The following CYFIP1 variants were observed in gnomAD, a reference collection of about 807,000 sequenced individuals.
CYFIP1 encodes the protein cytoplasmic FMR1-interacting protein 1.
A neutral mutation model predicts 163.5 loss-of-function variants in CYFIP1; 58 were observed. The observed-to-expected ratio is 0.35, with a 90% confidence interval of 0.29 to 0.44. The LOEUF is 0.44. Ranked by LOEUF, CYFIP1 falls within the 20% of genes least tolerant of loss-of-function variation. The pLI is 1.00. For synonymous variants in CYFIP1, 663 were observed against 660.7 expected, an observed-to-expected ratio of 1.00 and a Z score of -0.05; for missense variants, 1,338 against 1,653.8, an observed-to-expected ratio of 0.81 and a Z score of 3.31.
At chr15:22,892,392 C>T (rs905304416) in intron 23 of CYFIP1, among the ~76,000 whole-genome samples, 2 of 152,158 alleles carry the variant, frequency 1.3e-5, no homozygotes, top group Non-Finnish European at 2.9e-5. Context: ...CCGGGTGCTC[C>T]GGGTTTCCAC....
chr15:22,946,849 A>C (rs2062079413), intron 3 of CYFIP1, 154 bp downstream of exon 3: 1 of 753,848 alleles, frequency 1.3e-6, no homozygotes, highest in Non-Finnish European at 2.3e-6. Flanking sequence ...CACTAAGAAA[A>C]GCAAAGACTG....
rs114985452 is a variant in CYFIP1, at chr15:22,883,264, A to G, written c.2677-253T>C. Among the ~76,000 whole-genome samples the G allele has an allele frequency of 3.6e-3, 541 of 152,328 alleles. 4 individuals are homozygous for G. Among genetic ancestry groups the G allele is most frequent in the African/African-American group, 0.012 (511 of 41,570 alleles). On this transcript the variant is annotated intron_variant, in intron 23 of 30. Transcript: ENST00000617928. ...ACATTTGTTGAATAGCCGACTCGCTAGAAGCCATTTTGAAGTCTAGAATGA... is the reference window on the plus strand; with the variant it reads ...ACATTTGTTGAATAGCCGACTCGCTGGAAGCCATTTTGAAGTCTAGAATGA...
chr15:22,913,048 T>C (rs1263009611), intron 17 of CYFIP1, among the ~76,000 whole-genome samples: 3 of 150,750 alleles, frequency 2.0e-5, no homozygotes, highest in Admixed American at 2.0e-4. Flanking sequence ...ACAAAACAAT[T>C]AGCCAGGTGT....
intron 1 of CYFIP1, among the ~76,000 whole-genome samples, chr15:22,956,401 A>G (rs777421311): frequency 9.2e-5 from 14 of 152,168 alleles, no homozygotes; most frequent in Non-Finnish European, 1.8e-4. Context: ...ACAAATGGAA[A>G]TTAAAGCAGC....
chr15:22,898,951 G>A (rs1246243601), intron 22 of CYFIP1, among the ~76,000 whole-genome samples: 3 of 151,872 alleles, frequency 2.0e-5, no homozygotes, highest in Non-Finnish European at 2.9e-5. Flanking sequence ...GCAGTGAGCC[G>A]AGACTGTGCC....
At chr15:22,913,409 TC>T (rs1458358836) in intron 17 of CYFIP1, among the ~76,000 whole-genome samples, 1 of 148,260 alleles carries the variant, frequency 6.7e-6, no homozygotes. Flanking sequence ...GTGCCTGTAG[TC>T]CCAGCTACTT....
rs983929428 is a variant in CYFIP1 at position 22,926,031 on chromosome 15, C to T, written c.1310G>A (p.Arg437His). The stretch of plus-strand genomic sequence containing the variant: ...GCTGGTGTAGTTGTAGCGCGTGGCA[C>T]GCTCGTACTCTTCAGCGCTGTCGGG... ...DCPDSAEEYE[R>H]ATRYNYTSEE... The change falls in exon 13 of 31, where the codon CGT becomes CAT. Residue 437 changes from arginine (R) to histidine (H), a missense_variant. Arg to His is a conservative substitution (Grantham distance 29, BLOSUM62 0). Coordinates refer to ENST00000617928, the MANE Select transcript of CYFIP1 (RefSeq NM_014608.6). The T allele has an allele frequency of 8.1e-6, 13 of 1,613,986 alleles. No individual in the cohort carries two copies. Among genetic ancestry groups the T allele is most frequent in the Admixed American group, 6.7e-5 (4 of 60,002 alleles).
intron 26 of CYFIP1, among the ~76,000 whole-genome samples, chr15:22,877,929 C>T (rs2059631731): frequency 6.6e-6 from 1 of 152,260 alleles, no homozygotes; most frequent in African/African-American, 2.4e-5. Flanking sequence ...TTCTCTTTCA[C>T]CGCACAGGCT....
At chr15:22,898,647 C>T (rs953991140) in intron 22 of CYFIP1, among the ~76,000 whole-genome samples, 1 of 152,040 alleles carries the variant, frequency 6.6e-6, no homozygotes, top group African/African-American at 2.4e-5. Flanking sequence ...GTGATCCTCC[C>T]ATGTCAGCCT....
intron 5 of CYFIP1, 31 bp from the exon 6 acceptor site, chr15:22,943,385 T>G (rs767328793): frequency 6.2e-7 from 1 of 1,605,974 alleles, no homozygotes; most frequent in Non-Finnish European, 8.5e-7. Flanking sequence ...GGCAGAAAGC[T>G]GCAGGTCAGT....
intron 25 of CYFIP1, 142 bp from the exon 26 acceptor site, chr15:22,880,185 G>A (rs2059713881): frequency 1.7e-6 from 2 of 1,149,012 alleles, no homozygotes; most frequent in Non-Finnish European, 2.5e-6. Flanking sequence ...CCCATCCCCA[G>A]CATCTTCCCT....
At chr15:22,909,885 G>C (rs2060725535) in intron 20 of CYFIP1, among the ~76,000 whole-genome samples, 1 of 152,130 alleles carries the variant, frequency 6.6e-6, no homozygotes, top group Non-Finnish European at 1.5e-5. Context: ...CCAGGAGAAA[G>C]TTTTCTCTGA....
intron 11 of CYFIP1, among the ~76,000 whole-genome samples, chr15:22,930,086 C>T (rs1393308608): frequency 6.6e-6 from 1 of 151,366 alleles, no homozygotes; most frequent in African/African-American, 2.4e-5. Context: ...AGGCCGGGTG[C>T]GGTGGCTCAT....
chr15:22,894,278 CTTTTTTT>C lies in CYFIP1; in HGVS notation c.2589-1308_2589-1302del, dbSNP rs57603773. On this transcript the variant is annotated intron_variant, in intron 22 of 30. Transcript: ENST00000617928. ...GCCACTTATATTACAGCAGACTTTT[CTTTTTTT>C]TTTTTTTTTTTTTTTTTTTCTGAGA... is the stretch of plus-strand genomic sequence containing the variant. Among the ~76,000 whole-genome samples the C allele has an allele frequency of 7.5e-3, 490 of 65,502 alleles. 2 individuals carry two copies. The highest frequency in any genetic ancestry group is 0.01 in the Non-Finnish European group (375 of 35,830). 43.0% of individuals were successfully genotyped at this position (65,502 alleles called of 152,430 possible).
intron 6 of CYFIP1, among the ~76,000 whole-genome samples, chr15:22,940,255 C>T (rs1191144304): frequency 6.6e-6 from 1 of 152,192 alleles, no homozygotes; most frequent in East Asian, 1.9e-4. Context: ...TGATAACCTA[C>T]ACCAACATTC....
chr15:22,909,882 A>G (rs183071948), intron 20 of CYFIP1, among the ~76,000 whole-genome samples: 11 of 152,230 alleles, frequency 7.2e-5, no homozygotes, highest in African/African-American at 2.6e-4. Context: ...TGGCCAGGAG[A>G]AAGTTTTCTC....
In CYFIP1 at chr15:22,886,010, C is replaced by T. The variant is rs367652963; in HGVS notation, c.2677-2999G>A. ...GAGGTTTAACTGACTCATAGTTCCA[C>T]ATGGCTGGGGAGGCCTCAGAAAACT... On this transcript the variant is annotated intron_variant, in intron 23 of 30. Transcript: ENST00000617928. Among the ~76,000 whole-genome samples, 363 of 152,318 alleles carry T rather than the reference C, an allele frequency of 2.4e-3. 11 individuals carry two copies. The South Asian group carries it at 0.069, about 29-fold the overall frequency.
Position 22,869,640 on chromosome 15 carries a change from T to G in CYFIP1, c.*388A>C. The G allele has an allele frequency of 2.5e-5, 4 of 157,052 alleles. No individual in the cohort carries two copies. The Middle Eastern group carries it at 0.013, about 507-fold the overall frequency. The allele number at this position is 157,052 out of a possible 1,614,324, so 9.7% of individuals were successfully genotyped here. The stretch of plus-strand genomic sequence containing the variant: ...TGCTCATAAAAGACCATCAGAAAGA[T>G]CCCTAAACAAAAGCTAAATAGTTAC... On this transcript the variant is annotated 3_prime_UTR_variant, in exon 31 of 31. Coordinates refer to ENST00000617928, the MANE Select transcript of CYFIP1 (RefSeq NM_014608.6).
rs2060485846 is a variant in CYFIP1 at position 22,903,916 on chromosome 15, A to G, written c.2389-11T>C. 4 of 1,613,172 alleles carry G rather than the reference A, an allele frequency of 2.5e-6. No individual in the cohort carries two copies. Among genetic ancestry groups the G allele is most frequent in the Non-Finnish European group, 3.4e-6 (4 of 1,179,598 alleles). ...CAGGCCATCCAGCTCCTGTGGCACC[A>G]AAGACAGGGGTGGGTGACAGAGCTG... On this transcript the variant is annotated splice_polypyrimidine_tract_variant and intron_variant, in intron 21 of 30. Coordinates refer to ENST00000617928, the MANE Select transcript of CYFIP1 (RefSeq NM_014608.6).
Sources: gnomAD v4.1 joint callset for allele counts (sites outside exome capture counted in the v4.1 genomes callset) on GRCh38, gnomAD v4.1.1 for gene constraint, MANE v1.5 for transcripts, NCBI Gene and HGNC (gene_info 2026-07-23, HGNC 2026-07-21) for gene names.